The following CDH18 variants were observed in gnomAD, a reference collection of about 807,000 sequenced individuals.
CDH18 encodes the protein cadherin-18.
In CDH18, 31 loss-of-function variants were observed where a neutral mutation model predicts 67.9. That is an observed-to-expected ratio of 0.46 (90% CI 0.34 to 0.62). The LOEUF (loss-of-function observed/expected upper bound fraction) is 0.62, where lower values mean the gene tolerates loss of function less well. Among genes scored for constraint, CDH18 ranks in the 20% least tolerant of loss-of-function variants. The probability of loss-of-function intolerance (pLI) is 0.01; values close to 1 mark genes in which losing one functional copy is unlikely to be tolerated. For synonymous variants in CDH18, 362 were observed against 347.2 expected, an observed-to-expected ratio of 1.04 and a Z score of -0.48; for missense variants, 890 against 975.5, an observed-to-expected ratio of 0.91 and a Z score of 1.17.
At chr5:19,876,130 CT>C (rs1786974115) in intron 2 of CDH18, among the ~76,000 whole-genome samples, 1 of 152,084 alleles carries the variant, frequency 6.6e-6, no homozygotes, top group African/African-American at 2.4e-5. Flanking sequence ...CCATAAAACC[CT>C]CTCACAGGAG....
chr5:20,421,054 TA>T lies in CDH18; in HGVS notation c.-580+154407del, dbSNP rs1172380526. On this transcript the variant is annotated intron_variant, in intron 1 of 14. Coordinates refer to the CDH18 transcript ENST00000507958. ...TGCCAGCAAGTAACAGTATGATCTT[TA>T]AATCCTTTTTGATTTTTTCCCTATT... Among the ~76,000 whole-genome samples, 4 of 151,246 alleles carry T rather than the reference TA, an allele frequency of 2.6e-5. 1 individual carries two copies. Among genetic ancestry groups the T allele is most frequent in the African/African-American group, 9.9e-5 (4 of 40,516 alleles).
At chr5:20,454,814 A>G (rs1426943313) in intron 1 of CDH18, among the ~76,000 whole-genome samples, 1 of 152,098 alleles carries the variant, frequency 6.6e-6, no homozygotes, top group Non-Finnish European at 1.5e-5. Context: ...TGGGTTGTTA[A>G]TGAATAGATA....
chr5:19,698,950 C>T (rs1439478104), intron 5 of CDH18, among the ~76,000 whole-genome samples: 1 of 152,076 alleles, frequency 6.6e-6, no homozygotes, highest in Non-Finnish European at 1.5e-5. Flanking sequence ...CAGTCTGTTT[C>T]TCTTCCCTAC....
chr5:20,423,927 A>G (rs1429438807), intron 1 of CDH18, among the ~76,000 whole-genome samples: 1 of 124,934 alleles, frequency 8.0e-6, no homozygotes, highest in Non-Finnish European at 1.6e-5. Context: ...AGCCTGGGCG[A>G]CTGAGCGAGA....
intron 3 of CDH18, among the ~76,000 whole-genome samples, chr5:19,829,594 T>A (rs1780800157): frequency 6.6e-6 from 1 of 152,198 alleles, no homozygotes; most frequent in East Asian, 1.9e-4. Context: ...TGTTCCATGC[T>A]CATGGATAGG....
intron 8 of CDH18, among the ~76,000 whole-genome samples, chr5:19,564,285 G>A (rs925815757): frequency 1.8e-4 from 28 of 152,296 alleles, no homozygotes; most frequent in African/African-American, 6.0e-4. Context: ...TCCCCCAACC[G>A]CAGGCAGTGC....
intron 2 of CDH18, among the ~76,000 whole-genome samples, chr5:20,147,999 T>C (rs1750791583): frequency 6.6e-6 from 1 of 152,130 alleles, no homozygotes; most frequent in Admixed American, 6.6e-5. Flanking sequence ...TGTGTGTGCA[T>C]GTTTGCATGT....
intron 1 of CDH18, among the ~76,000 whole-genome samples, chr5:20,510,376 C>T (rs1340178328): frequency 6.6e-6 from 1 of 152,154 alleles, no homozygotes; most frequent in Non-Finnish European, 1.5e-5. Context: ...AGTGCCCCTT[C>T]CTCTCTTGCT....
intron 10 of CDH18, among the ~76,000 whole-genome samples, chr5:19,517,071 TAGC>T (rs1746145244): frequency 6.6e-6 from 1 of 152,162 alleles, no homozygotes; most frequent in Admixed American, 6.6e-5. Context: ...TGTTTCCCAG[TAGC>T]AGTACCATTT....
intron 1 of CDH18, among the ~76,000 whole-genome samples, chr5:20,510,526 G>T (rs1360324759): frequency 1.3e-5 from 2 of 151,854 alleles, no homozygotes; most frequent in Non-Finnish European, 2.9e-5. Flanking sequence ...TCTTTGATGC[G>T]ATTGAAAATC....
chr5:19,807,868 T>C (rs57307571), intron 3 of CDH18, among the ~76,000 whole-genome samples: 297 of 152,292 alleles, frequency 2.0e-3, no homozygotes, highest in African/African-American at 6.8e-3. Flanking sequence ...TATTTATTTG[T>C]GTGAATGTCA....
At chr5:20,119,994 C>T (rs1023259769) in intron 2 of CDH18, among the ~76,000 whole-genome samples, 8 of 152,048 alleles carry the variant, frequency 5.3e-5, no homozygotes, top group Non-Finnish European at 1.2e-4. Flanking sequence ...CATCAGTCCT[C>T]AACAATGTTA....
At chr5:19,963,564 T>C (rs551425067) in intron 2 of CDH18, among the ~76,000 whole-genome samples, 6 of 152,150 alleles carry the variant, frequency 3.9e-5, no homozygotes, top group Non-Finnish European at 8.8e-5. Context: ...CTTTTTCTCC[T>C]TTTGCTTAGC....
At chr5:19,971,037 T>C (rs1797970330) in intron 2 of CDH18, among the ~76,000 whole-genome samples, 1 of 151,938 alleles carries the variant, frequency 6.6e-6, no homozygotes, top group Non-Finnish European at 1.5e-5. Flanking sequence ...TATTTTTAGA[T>C]TTTATTCTAA....
intron 2 of CDH18, among the ~76,000 whole-genome samples, chr5:19,857,242 C>T (rs1188368211): frequency 1.6e-5 from 2 of 123,362 alleles, no homozygotes; most frequent in Non-Finnish European, 3.5e-5. Flanking sequence ...AAATAATAAA[C>T]GAATACTAAA....
chr5:20,102,770 A>G (rs1479008126), intron 2 of CDH18, among the ~76,000 whole-genome samples: 1 of 152,180 alleles, frequency 6.6e-6, no homozygotes, highest in Non-Finnish European at 1.5e-5. Context: ...GGAGGTGAAG[A>G]TGAAAAGGAT....
chr5:19,489,496 C>T (rs553085796), intron 11 of CDH18, among the ~76,000 whole-genome samples: 1 of 152,132 alleles, frequency 6.6e-6, no homozygotes, highest in Admixed American at 6.5e-5. Flanking sequence ...ATCTGCCCCC[C>T]TTGGCCTCCC....
intron 2 of CDH18, among the ~76,000 whole-genome samples, chr5:19,886,608 A>G (rs769132724): frequency 1.1e-4 from 17 of 152,112 alleles, no homozygotes; most frequent in Non-Finnish European, 2.2e-4. Flanking sequence ...CCGGTAATGT[A>G]TCTTTTATTG....
At chr5:20,565,555 C>T (rs1758454124) in intron 1 of CDH18, among the ~76,000 whole-genome samples, 1 of 151,986 alleles carries the variant, frequency 6.6e-6, no homozygotes, top group Non-Finnish European at 1.5e-5. Context: ...GTGGAGGGCA[C>T]TACAAAATGT....
Sources: gnomAD v4.1 joint callset for allele counts (sites outside exome capture counted in the v4.1 genomes callset) on GRCh38, gnomAD v4.1.1 for gene constraint, MANE v1.5 for transcripts, NCBI Gene and HGNC (gene_info 2026-07-23, HGNC 2026-07-21) for gene names.